The following DOCK4 variants were observed in gnomAD, a reference collection of about 807,000 sequenced individuals.
DOCK4 encodes dedicator of cytokinesis 4.
A neutral mutation model predicts 268.1 loss-of-function variants in DOCK4; 97 were observed. The observed-to-expected ratio is 0.36, with a 90% CI of 0.31 to 0.43. The LOEUF is 0.43. Ranked by LOEUF, DOCK4 falls within the 20% of genes least tolerant of loss-of-function variation. DOCK4 has a pLI of 1.00. For missense variants in DOCK4, 2,145 were observed against 2,455.7 expected (o/e 0.87, Z 2.67); for synonymous variants, 954 against 887.2 (o/e 1.08, Z -1.34).
intron 1 of DOCK4, among the ~76,000 whole-genome samples, chr7:112,128,604 T>G (rs965469606): frequency 3.9e-5 from 6 of 152,366 alleles, no homozygotes; most frequent in African/African-American, 4.8e-5. Flanking sequence ...TCCTGTTATC[T>G]GTGACCTTAC....
At chr7:111,992,778 T>C (rs1002518604) in intron 5 of DOCK4, among the ~76,000 whole-genome samples, 1 of 152,246 alleles carries the variant, frequency 6.6e-6, no homozygotes, top group African/African-American at 2.4e-5. Context: ...GTCATTATTT[T>C]TATAACTCTT....
chr7:111,799,458 T>C (rs1463506257), intron 30 of DOCK4, among the ~76,000 whole-genome samples: 1 of 152,070 alleles, frequency 6.6e-6, no homozygotes, highest in Non-Finnish European at 1.5e-5. Flanking sequence ...CATCTCTCTC[T>C]CCTTCCATAA....
chr7:111,932,738 C>T (rs1562903756), intron 12 of DOCK4, among the ~76,000 whole-genome samples: 1 of 152,038 alleles, frequency 6.6e-6, no homozygotes, highest in South Asian at 2.1e-4. Context: ...TGGGCCAAGT[C>T]TTCAAAATAC....
chr7:112,118,762 C>A (rs1563102482), intron 1 of DOCK4, among the ~76,000 whole-genome samples: 3 of 152,116 alleles, frequency 2.0e-5, no homozygotes, highest in Non-Finnish European at 1.5e-5. Context: ...GCCTGTTTGG[C>A]AAGGGGAGAG....
At chr7:112,115,473 G>A (rs1812048519) in intron 1 of DOCK4, among the ~76,000 whole-genome samples, 1 of 152,130 alleles carries the variant, frequency 6.6e-6, no homozygotes, top group African/African-American at 2.4e-5. Flanking sequence ...TTTCTGTCTT[G>A]CAGTCTGACT....
chr7:112,184,003 T>A (rs990784377), intron 1 of DOCK4, among the ~76,000 whole-genome samples: 1 of 152,304 alleles, frequency 6.6e-6, no homozygotes, highest in South Asian at 2.1e-4. Flanking sequence ...CCTTCCTCTG[T>A]GCAGACTTTT....
In DOCK4 at chr7:111,822,409, C is replaced by T. The variant is rs17158877; in HGVS notation, c.2883G>A (p.Pro961=). Residue 961 remains proline, a synonymous_variant, in exon 27 of 53, where the codon CCG becomes CCA. Transcript: ENST00000428084. ...CAGTCCAGTCCTTTGGAAACATCTC[C>T]GGGCGTATCAATATTCGGAACACAG... ...IFTVFRILIR[P]EMFPKDWTVM... 35,084 of 1,613,368 alleles carry T rather than the reference C, an allele frequency of 0.022. 4,844 individuals are homozygous for T. The African/African-American group carries it at 0.35, about 16-fold the overall frequency.
intron 1 of DOCK4, among the ~76,000 whole-genome samples, chr7:112,016,521 A>G (rs1326395780): frequency 8.5e-5 from 13 of 152,360 alleles, no homozygotes; most frequent in South Asian, 2.1e-4. Context: ...CTTTCAGACT[A>G]TGCAAATATA....
intron 30 of DOCK4, among the ~76,000 whole-genome samples, chr7:111,794,006 G>C (rs565382731): frequency 1.1e-4 from 16 of 152,288 alleles, no homozygotes; most frequent in African/African-American, 3.8e-4. Flanking sequence ...TCAGCTGTCA[G>C]TGGTGGTGGC....
Position 111,822,469 on chromosome 7 carries a change from G to T in DOCK4, c.2836-13C>A, listed in dbSNP as rs1287264468. ...GCAGCAGGAAATCCTTGGATAAGGA[G>T]AAAATAGATCATTTTATTGGTTTAT... On this transcript the variant is annotated splice_polypyrimidine_tract_variant and intron_variant, in intron 26 of 52. Coordinates refer to ENST00000428084, the MANE Select transcript of DOCK4 (RefSeq NM_001363540.2). 6.3e-7 allele frequency: 1 copy of T among 1,599,728 alleles called. No individual in the cohort carries two copies. Among genetic ancestry groups the T allele is most frequent in the South Asian group, 1.1e-5 (1 of 89,220 alleles).
chr7:112,127,638 T>C (rs1292968391), intron 1 of DOCK4, among the ~76,000 whole-genome samples: 1 of 152,124 alleles, frequency 6.6e-6, no homozygotes, highest in East Asian at 1.9e-4. Flanking sequence ...TAATAAAATG[T>C]TAAATTTTTA....
intron 1 of DOCK4, among the ~76,000 whole-genome samples, chr7:112,004,924 T>A (rs1800733643): frequency 6.6e-6 from 1 of 152,190 alleles, no homozygotes; most frequent in Non-Finnish European, 1.5e-5. Flanking sequence ...ACGCACAGAT[T>A]AGTCCTTTTC....
chr7:111,760,381 G>A (rs1292353192), intron 39 of DOCK4, 59 bp from the exon 40 acceptor site: 42 of 1,549,902 alleles, frequency 2.7e-5, no homozygotes, highest in Non-Finnish European at 3.5e-5. Context: ...TACAGACAGA[G>A]CCAAAAAACA....
intron 1 of DOCK4, among the ~76,000 whole-genome samples, chr7:112,131,781 C>T (rs1473534042): frequency 6.6e-6 from 1 of 152,058 alleles, no homozygotes; most frequent in Non-Finnish European, 1.5e-5. Context: ...GACATGAACA[C>T]TAATGACACA....
At chr7:111,945,126 A>G (rs1056008525) in intron 9 of DOCK4, among the ~76,000 whole-genome samples, 3 of 152,222 alleles carry the variant, frequency 2.0e-5, no homozygotes, top group African/African-American at 4.8e-5. Context: ...TTCTTTAAAC[A>G]TTTATTAAGC....
intron 36 of DOCK4, among the ~76,000 whole-genome samples, chr7:111,777,598 T>A (rs1296583617): frequency 2.6e-5 from 4 of 152,182 alleles, no homozygotes; most frequent in African/African-American, 9.6e-5. Context: ...ACCTATATAG[T>A]TGTAAAATTC....
At chr7:112,093,391 C>T (rs1032309749) in intron 1 of DOCK4, among the ~76,000 whole-genome samples, 5 of 151,902 alleles carry the variant, frequency 3.3e-5, no homozygotes, top group African/African-American at 7.3e-5. Flanking sequence ...ATACTCTTCA[C>T]GAAAATAATC....
At chr7:111,836,776 G>A (rs1444703566) in intron 25 of DOCK4, among the ~76,000 whole-genome samples, 1 of 152,060 alleles carries the variant, frequency 6.6e-6, no homozygotes, top group Non-Finnish European at 1.5e-5. Flanking sequence ...ATTAGACACT[G>A]CAGAAGAAAA....
At chr7:111,856,762 G>A (rs1291233529) in intron 23 of DOCK4, among the ~76,000 whole-genome samples, 1 of 152,142 alleles carries the variant, frequency 6.6e-6, no homozygotes, top group Non-Finnish European at 1.5e-5. Context: ...GAGGAGGGGT[G>A]AGATAAAGGG....
Sources: allele counts gnomAD v4.1 joint callset (sites outside exome capture counted in the v4.1 genomes callset), GRCh38; gene constraint gnomAD v4.1.1; transcripts MANE v1.5; gene names NCBI Gene and HGNC (gene_info 2026-07-23, HGNC 2026-07-21).